The following SLC35B3 variants were observed in gnomAD, a reference collection of about 807,000 sequenced individuals.
SLC35B3 encodes the protein solute carrier family 35 member B3.
SLC35B3 carries 35 observed loss-of-function variants against 44.1 expected under a neutral mutation model. That is an observed-to-expected ratio of 0.79 (90% CI 0.61 to 1.05). The LOEUF is 1.05. Among genes scored for constraint, SLC35B3 ranks in the 50% least tolerant of loss-of-function variants. The pLI, the probability that SLC35B3 is intolerant of heterozygous loss-of-function variation, is 0.00. For missense variants in SLC35B3, 414 were observed against 476.4 expected (o/e 0.87, Z 1.22); for synonymous variants, 146 against 167.3 (o/e 0.87, Z 0.98).
chr6:8,415,091 C>G, intron 9 of SLC35B3, 114 bp from the exon 9 acceptor site: 1 of 579,460 alleles, frequency 1.7e-6, no homozygotes, highest in Non-Finnish European at 3.0e-6. Context: ...GTTGAGGTGC[C>G]AAGGTGACAA....
At chr6:8,426,731 G>A (rs148473632) in intron 4 of SLC35B3, among the ~76,000 whole-genome samples, 2 of 152,306 alleles carry the variant, frequency 1.3e-5, no homozygotes, top group East Asian at 3.9e-4. Flanking sequence ...TTGCTGAAAT[G>A]AGACCCAAAA....
chr6:8,416,344 C>G (rs1270087230), intron 9 of SLC35B3, among the ~76,000 whole-genome samples: 7 of 152,104 alleles, frequency 4.6e-5, no homozygotes, highest in Non-Finnish European at 1.0e-4. Context: ...CCTCACTAGG[C>G]TATACACTCC....
chr6:8,433,277 G>A lies in SLC35B3; in HGVS notation c.3+1108C>T, dbSNP rs1764164755. ...TGATCATGCTGCATCCATGAATAAG[G>A]CCTCGAAGTTAAAAACGAGTTGATG... On this transcript the variant is annotated intron_variant, in intron 2 of 10. Coordinates refer to ENST00000644923, the MANE Select transcript of SLC35B3 (RefSeq NM_001370476.2). This position sits in a 1 kb window ranked among gnomAD's most constrained non-coding sequence, Gnocchi z 4.1. 6.6e-6 allele frequency among the ~76,000 whole-genome samples: 1 copy of A among 152,058 alleles called. No homozygotes were observed. Among genetic ancestry groups the A allele is most frequent in the Admixed American group, 6.5e-5 (1 of 15,268 alleles).
rs539862013 is a variant in SLC35B3 at position 8,433,422 on chromosome 6, T to G, written c.3+963A>C. 6.6e-6 allele frequency among the ~76,000 whole-genome samples: 1 copy of G among 152,224 alleles called. No individual in the cohort carries two copies. Among genetic ancestry groups the G allele is most frequent in the East Asian group, 1.9e-4 (1 of 5,192 alleles). On this transcript the variant is annotated intron_variant, in intron 2 of 10. Transcript: ENST00000644923. The surrounding 1 kb of genome is among the most constrained non-coding windows in gnomAD (Gnocchi z 4.1). ...TGAAATCCTTAAGGCAAGAGATATC[T>G]TCCTATGATGTTCTGGCACATAACA...
In SLC35B3 at chr6:8,418,567, C is replaced by A. The variant is rs11295521; in HGVS notation, c.780+1013G>T. ...AGACACTACTTGCAAAAAAAAAAAA[C>A]AGTTACAAGAGATACAGAAAGATAT... On this transcript the variant is annotated intron_variant, in intron 7 of 10. Transcript: ENST00000644923. Among the ~76,000 whole-genome samples, 163 of 66,262 alleles carry A rather than the reference C, an allele frequency of 2.5e-3. 1 individual carries two copies. The highest frequency in any genetic ancestry group is 0.015 in the Middle Eastern group (2 of 130). The allele number at this position is 66,262 out of a possible 152,430, so 43.5% of individuals were successfully genotyped here.
rs1764191294 is a variant in SLC35B3 at position 8,433,545 on chromosome 6, A to G, written c.3+840T>C. On this transcript the variant is annotated intron_variant, in intron 2 of 10. Coordinates refer to ENST00000644923, the MANE Select transcript of SLC35B3 (RefSeq NM_001370476.2). This position sits in a 1 kb window ranked among gnomAD's most constrained non-coding sequence, Gnocchi z 4.1. ...TCCTTTCCAACACTTTACCACTTCT[A>G]ATACACTTCTTGGCAACTTTATGTG... Among the ~76,000 whole-genome samples, 1 of 152,082 alleles carries G rather than the reference A, an allele frequency of 6.6e-6. No individual in the cohort carries two copies. The highest frequency in any genetic ancestry group is 2.4e-5 in the African/African-American group (1 of 41,404).
rs531161699 is a variant in SLC35B3 at position 8,428,241 on chromosome 6, C to T, written c.298-183G>A. Among the ~76,000 whole-genome samples the T allele has an allele frequency of 2.0e-5, 3 of 152,086 alleles. No homozygotes were observed. The South Asian group carries it at 6.2e-4, about 32-fold the overall frequency. ...ATGTTATTTTTTGAAATTCTTGTGC[C>T]ATAGATGATATAAACCTTCTTCTTT... is the stretch of plus-strand genomic sequence containing the variant. On this transcript the variant is annotated intron_variant, in intron 3 of 10. Transcript: ENST00000644923.
chr6:8,420,689 A>G lies in SLC35B3; in HGVS notation c.682+32T>C. Reference sequence around the variant, plus strand: ...ATTCGTATTCTAAACTAAAAAGCCTATAAAAGCTAGGAATATAAATAAATT... The same window carrying G: ...ATTCGTATTCTAAACTAAAAAGCCTGTAAAAGCTAGGAATATAAATAAATT... On this transcript the variant is annotated intron_variant, in intron 6 of 10. Coordinates refer to ENST00000644923, the MANE Select transcript of SLC35B3 (RefSeq NM_001370476.2). This position sits in a 1 kb window ranked among gnomAD's most constrained non-coding sequence, Gnocchi z 4.4. 6.6e-7 allele frequency: 1 copy of G among 1,519,392 alleles called. No individual in the cohort carries two copies. The highest frequency in any genetic ancestry group is 1.8e-5 in the Admixed American group (1 of 55,040). 94.1% of individuals were successfully genotyped at this position (1,519,392 alleles called of 1,614,324 possible).
In SLC35B3 at chr6:8,412,447, A is replaced by G. The variant is rs1377641763; in HGVS notation, c.*1102T>C. ...ATTTTATTATAATTTTGAGACATCA[A>G]TTACTTTTTCTTCAATTAAAAAAAA... On this transcript the variant is annotated 3_prime_UTR_variant, in exon 11 of 11. Transcript: ENST00000644923. 6.6e-6 allele frequency among the ~76,000 whole-genome samples: 1 copy of G among 152,184 alleles called. No homozygotes were observed. The highest frequency in any genetic ancestry group is 6.5e-5 in the Admixed American group (1 of 15,280).
Position 8,428,167 on chromosome 6 carries a change from C to A in SLC35B3, c.298-109G>T, listed in dbSNP as rs1763618329. 1.5e-5 allele frequency: 16 copies of A among 1,033,424 alleles called. No individual in the cohort carries two copies. The East Asian group carries it at 4.3e-4, about 28-fold the overall frequency. The allele number at this position is 1,033,424 out of a possible 1,614,324, so 64.0% of individuals were successfully genotyped here. A position where few individuals can be genotyped will look rare whatever the true frequency, so the allele number is the denominator to read the frequency against. ...TAAAGAAACCAAGCCCCACCTCCAA[C>A]AACAACAAAATGTAAATTAGAGAGG... On this transcript the variant is annotated intron_variant, in intron 3 of 10. Coordinates refer to ENST00000644923, the MANE Select transcript of SLC35B3 (RefSeq NM_001370476.2).
At chr6:8,417,371 AT>A (rs750236612) in intron 8 of SLC35B3, 30 bp downstream of exon 7, 13,298 of 1,104,102 alleles carry the variant, frequency 0.012, 3 homozygotes, top group Non-Finnish European at 0.013. Flanking sequence ...TTAACAGAAG[AT>A]TTTTTTTTTT....
chr6:8,414,433 A>G (rs940427512), intron 10 of SLC35B3, among the ~76,000 whole-genome samples: 2 of 152,210 alleles, frequency 1.3e-5, no homozygotes, highest in Admixed American at 1.3e-4. Flanking sequence ...AGTCTTTAGG[A>G]TGTAACTTAC....
Position 8,429,914 on chromosome 6 carries a change from T to A in SLC35B3, c.247A>T (p.Ile83Leu). ...AATACAAAAACTCCAGCAACACATA[T>A]GAAAAACTGAGTAAGTTTGTTAAAC... The change falls in exon 3 of 11, where the codon ATA becomes TTA. Residue 83 changes from isoleucine (I) to leucine (L), a missense_variant. By Grantham distance (5) the Ile-to-Leu change is conservative. Transcript: ENST00000644923. 1 of 1,609,210 alleles carries A rather than the reference T, an allele frequency of 6.2e-7. No homozygotes were observed. Among genetic ancestry groups the A allele is most frequent in the Non-Finnish European group, 8.5e-7 (1 of 1,177,508 alleles).
intron 4 of SLC35B3, 128 bp from the exon 4 acceptor site, chr6:8,422,752 G>T: frequency 1.4e-6 from 1 of 705,574 alleles, no homozygotes; most frequent in Non-Finnish European, 2.3e-6. Flanking sequence ...GGAAATATCA[G>T]TAAAAAATAT....
At chr6:8,422,104 A>C (rs9406133) in intron 5 of SLC35B3, among the ~76,000 whole-genome samples, 77,280 of 151,878 alleles carry the variant, frequency 0.51, 20,854 homozygotes, top group African/African-American at 0.71. Context: ...TCCTGGGTTC[A>C]AGCAATTCGT....
intron 4 of SLC35B3, among the ~76,000 whole-genome samples, chr6:8,425,247 A>G (rs999421956): frequency 2.0e-5 from 3 of 152,168 alleles, no homozygotes; most frequent in Non-Finnish European, 2.9e-5. Context: ...TTTTTCACCT[A>G]CAAAGATAGT....
rs6597317 is a variant in SLC35B3 at position 8,435,221 on chromosome 6, T to C, written c.-44+122A>G. 0.43 allele frequency: 558,293 copies of C among 1,288,746 alleles called. 124,163 individuals carry two copies. Among genetic ancestry groups the C allele is most frequent in the African/African-American group, 0.68 (44,521 of 65,840 alleles). The allele number at this position is 1,288,746 out of a possible 1,614,324, so 79.8% of individuals were successfully genotyped here. A position where few individuals can be genotyped will look rare whatever the true frequency, so the allele number is the denominator to read the frequency against. On this transcript the variant is annotated intron_variant, in intron 1 of 10. Transcript: ENST00000644923. This position sits in a 1 kb window ranked among gnomAD's most constrained non-coding sequence, Gnocchi z 5.5. ...AAAAGGGAATCACCCGTTTCTTCCA[T>C]CCCGACCTCATCCATTCCTCGAACG... is the stretch of plus-strand genomic sequence containing the variant.
Position 8,435,006 on chromosome 6 carries a change from GGT to G in SLC35B3, c.-44+335_-44+336del. 1.1e-6 allele frequency: 1 copy of G among 932,396 alleles called. No homozygotes were observed. Among genetic ancestry groups the G allele is most frequent in the Non-Finnish European group, 1.4e-6 (1 of 707,318 alleles). The allele number at this position is 932,396 out of a possible 1,614,324, so 57.8% of individuals were successfully genotyped here. Reference sequence around the variant, plus strand: ...CAGTTAACTGTAAATACAGTCTAGAGGTATCCAGGTGACTGACAGTTCTCCAG... The same window carrying G: ...CAGTTAACTGTAAATACAGTCTAGAGATCCAGGTGACTGACAGTTCTCCAG... On this transcript the variant is annotated intron_variant, in intron 1 of 10. Coordinates refer to ENST00000644923, the MANE Select transcript of SLC35B3 (RefSeq NM_001370476.2). This position sits in a 1 kb window ranked among gnomAD's most constrained non-coding sequence, Gnocchi z 5.5.
chr6:8,417,909 C>T (rs1468403180), intron 7 of SLC35B3, among the ~76,000 whole-genome samples: 1 of 152,094 alleles, frequency 6.6e-6, no homozygotes, highest in Non-Finnish European at 1.5e-5. Context: ...GGCATATCTA[C>T]TGCTTAACTT....
Sources: gnomAD v4.1 joint callset for allele counts (sites outside exome capture counted in the v4.1 genomes callset) on GRCh38, gnomAD v4.1.1 for gene constraint, Gnocchi (gnomAD v3.1) non-coding constraint, MANE v1.5 for transcripts, NCBI Gene and HGNC (gene_info 2026-07-23, HGNC 2026-07-21) for gene names.